Variants in FRRS1L observed in about 807,000 individuals in gnomAD.
The protein encoded by FRRS1L is ferric chelate reductase 1 like.
A neutral mutation model predicts 28.6 loss-of-function variants in FRRS1L; 22 were observed. The observed-to-expected ratio is 0.77, with a 90% CI of 0.55 to 1.10. The LOEUF (loss-of-function observed/expected upper bound fraction) is 1.10, where lower values mean the gene tolerates loss of function less well. FRRS1L is among the 50% of genes least tolerant of loss of function. The pLI is 0.00. For missense variants in FRRS1L, 380 were observed against 386.9 expected (o/e 0.98, Z 0.15); for synonymous variants, 158 against 151.4 (o/e 1.04, Z -0.32).
chr9:109,165,698 A>G (rs1368588669), intron 1 of FRRS1L, among the ~76,000 whole-genome samples: 1 of 152,172 alleles, frequency 6.6e-6, no homozygotes, highest in Non-Finnish European at 1.5e-5. Flanking sequence ...CTTTGTACCT[A>G]TGTGCAACCA....
At chr9:109,141,704 C>A (rs932170035) in intron 3 of FRRS1L, 115 bp from the exon 4 acceptor site, 12 of 1,152,188 alleles carry the variant, frequency 1.0e-5, no homozygotes, top group East Asian at 5.0e-5. Flanking sequence ...CAAAAAAATT[C>A]TTTTAAGTGC....
chr9:109,138,438 G>A (rs531119614), intron 4 of FRRS1L: 24 of 152,314 alleles, frequency 1.6e-4, no homozygotes, highest in African/African-American at 5.5e-4. Context: ...TACATTCAGT[G>A]CAAAGGTCTC....
rs181064243 is a variant in FRRS1L, at chr9:109,147,422, G to T, written c.324-233C>A. On this transcript the variant is annotated intron_variant, in intron 2 of 4. Coordinates refer to ENST00000561981, the MANE Select transcript of FRRS1L (RefSeq NM_014334.4). ...TGAGATGGGAAGGGGCTTGCCCGAG[G>T]TTGTATAGTGAAGTCAGCGGTTGCA... 107 of 458,876 alleles carry T rather than the reference G, an allele frequency of 2.3e-4. 1 individual carries two copies. The highest frequency in any genetic ancestry group is 1.4e-3 in the African/African-American group (72 of 50,728). The allele number at this position is 458,876 out of a possible 1,614,324, so 28.4% of individuals were successfully genotyped here.
rs1323370872 is a variant in FRRS1L, at chr9:109,131,911, CAT to C, written c.*5542_*5543del. On this transcript the variant is annotated 3_prime_UTR_variant, in exon 5 of 5. Transcript: ENST00000561981. Reference sequence around the variant, plus strand: ...GGTACATAAGGTAGATGCCACATCACATGTGTAAAACACTCCCATGGTGCAGC... The same window carrying C: ...GGTACATAAGGTAGATGCCACATCACGTGTAAAACACTCCCATGGTGCAGC... 1 of 151,812 alleles carries C rather than the reference CAT, an allele frequency of 6.6e-6. No individual in the cohort carries two copies. The highest frequency in any genetic ancestry group is 1.5e-5 in the Non-Finnish European group (1 of 67,834). The allele number at this position is 151,812 out of a possible 1,614,324, so 9.4% of individuals were successfully genotyped here. A position where few individuals can be genotyped will look rare whatever the true frequency, so the allele number is the denominator to read the frequency against.
At position 109,167,113 on chromosome 9, in the gene FRRS1L, G is replaced by A. The variant is rs1342340129; in HGVS notation, c.26C>T (p.Pro9Leu). ...CAGGAGCAGCGACGCCCAGACCCCC[G>A]GGTGCTGCCGGGGCGGCCGCGCCAT... MARPPRQHPGVWASLLLLL... is the reference protein window; with the variant it reads MARPPRQHLGVWASLLLLL... Residue 9 changes from proline (P) to leucine (L), a missense_variant, in exon 1 of 5, where the codon CCG (proline) becomes CTG (leucine). Coordinates refer to ENST00000561981, the MANE Select transcript of FRRS1L (RefSeq NM_014334.4). 3 of 1,169,388 alleles carry A rather than the reference G, an allele frequency of 2.6e-6. No homozygotes were observed. The highest frequency in any genetic ancestry group is 3.2e-6 in the Non-Finnish European group (3 of 949,932). 72.4% of individuals were successfully genotyped at this position (1,169,388 alleles called of 1,614,324 possible).
chr9:109,151,498 C>T (rs62575249), intron 1 of FRRS1L: 11,274 of 182,436 alleles, frequency 0.062, 474 homozygotes, highest in South Asian at 0.13. Context: ...GTAGGTTGTA[C>T]GCTCCTTATG....
chr9:109,157,863 T>C (rs1395825455), intron 1 of FRRS1L, among the ~76,000 whole-genome samples: 1 of 152,244 alleles, frequency 6.6e-6, no homozygotes, highest in Admixed American at 6.5e-5. Context: ...GATGTTACTG[T>C]CATCTTGGTT....
At chr9:109,163,973 C>G (rs1403892466) in intron 1 of FRRS1L, among the ~76,000 whole-genome samples, 1 of 152,200 alleles carries the variant, frequency 6.6e-6, no homozygotes, top group Non-Finnish European at 1.5e-5. Context: ...CAGGCCACAC[C>G]TTGGTAGGAA....
chr9:109,150,974 T>C (rs1831323670), intron 1 of FRRS1L: 2 of 152,228 alleles, frequency 1.3e-5, no homozygotes, highest in Admixed American at 6.5e-5. Context: ...TCTTGTTATT[T>C]TTAAGTTTTT....
At chr9:109,165,443 G>A (rs2176692) in intron 1 of FRRS1L, among the ~76,000 whole-genome samples, 34,976 of 152,124 alleles carry the variant, frequency 0.23, 4,105 homozygotes, top group Admixed American at 0.28. Context: ...GAAAGAACCC[G>A]GGTCCCTGAA....
rs1588100400 is a variant in FRRS1L, at chr9:109,149,938, T to C, written c.239-218A>G. ...TGCATGTGAACTGAGAGTAGGTGTG[T>C]CCTTTTCTCACTTTACAGGAGAGGA... On this transcript the variant is annotated intron_variant, in intron 1 of 4. Coordinates refer to ENST00000561981, the MANE Select transcript of FRRS1L (RefSeq NM_014334.4). 4 of 486,300 alleles carry C rather than the reference T, an allele frequency of 8.2e-6. No individual in the cohort carries two copies. In the East Asian group the frequency reaches 1.4e-4, roughly 17 times the overall value. The allele number at this position is 486,300 out of a possible 1,614,324, so 30.1% of individuals were successfully genotyped here.
intron 1 of FRRS1L, among the ~76,000 whole-genome samples, chr9:109,165,074 A>G (rs1831531465): frequency 1.3e-5 from 2 of 152,234 alleles, no homozygotes. Context: ...ACAAGTTCTC[A>G]CATACCACAT....
rs993431829 is a variant in FRRS1L at position 109,136,251 on chromosome 9, C to T, written c.*1204G>A. ...TTCATCGCAAAAAAAAAAAAAAATA[C>T]ATTTTTAATCACACTTAAGGTATGC... On this transcript the variant is annotated 3_prime_UTR_variant, in exon 5 of 5. Coordinates refer to ENST00000561981, the MANE Select transcript of FRRS1L (RefSeq NM_014334.4). 6.7e-6 allele frequency: 1 copy of T among 150,158 alleles called. No individual in the cohort carries two copies. Among genetic ancestry groups the T allele is most frequent in the African/African-American group, 2.4e-5 (1 of 40,856 alleles). 9.3% of individuals were successfully genotyped at this position (150,158 alleles called of 1,614,324 possible). A position where few individuals can be genotyped will look rare whatever the true frequency, so the allele number is the denominator to read the frequency against.
Position 109,133,674 on chromosome 9 carries a change from A to G in FRRS1L, c.*3781T>C, listed in dbSNP as rs1382941169. On this transcript the variant is annotated 3_prime_UTR_variant, in exon 5 of 5. Coordinates refer to ENST00000561981, the MANE Select transcript of FRRS1L (RefSeq NM_014334.4). ...TCTGTAAAATTGGATAAATAATAGA[A>G]TCTACTTCCTATGGTTGCGGTGAGG... 1.3e-5 allele frequency: 2 copies of G among 152,244 alleles called. No homozygotes were observed. The highest frequency in any genetic ancestry group is 2.9e-5 in the Non-Finnish European group (2 of 68,042). 9.4% of individuals were successfully genotyped at this position (152,244 alleles called of 1,614,324 possible). A position where few individuals can be genotyped will look rare whatever the true frequency, so the allele number is the denominator to read the frequency against.
chr9:109,140,875 G>A (rs1831171842), intron 4 of FRRS1L: 2 of 167,964 alleles, frequency 1.2e-5, no homozygotes, highest in Admixed American at 5.5e-5. Flanking sequence ...TAGGAGTTAA[G>A]AGTATTCATG....
chr9:109,141,534 T>C lies in FRRS1L; in HGVS notation c.518A>G (p.Gln173Arg), dbSNP rs1831185583. The C allele has an allele frequency of 6.2e-7, 1 of 1,614,128 alleles. No homozygotes were observed. The highest frequency in any genetic ancestry group is 2.2e-5 in the East Asian group (1 of 44,880). The change falls in exon 4 of 5, where the codon CAG (glutamine) becomes CGG (arginine). Residue 173 changes from glutamine (Q) to arginine (R), a missense_variant. Transcript: ENST00000561981. Reference sequence around the variant, plus strand: ...CCACTGGCCTACATTATAGAAGTGCTGTATGCGGACCCTGCCATTGTCATC... The same window carrying C: ...CCACTGGCCTACATTATAGAAGTGCCGTATGCGGACCCTGCCATTGTCATC... ...VHDDNGRVRI[Q>R]HFYNVGQWAK...
intron 3 of FRRS1L, among the ~76,000 whole-genome samples, chr9:109,143,272 G>A (rs1831211723): frequency 6.6e-6 from 1 of 151,932 alleles, no homozygotes; most frequent in African/African-American, 2.4e-5. Flanking sequence ...CCGAAATAGT[G>A]CCACTGAACT....
chr9:109,156,668 C>T (rs1831411689), intron 1 of FRRS1L, among the ~76,000 whole-genome samples: 1 of 150,692 alleles, frequency 6.6e-6, no homozygotes, highest in Non-Finnish European at 1.5e-5. Context: ...GGATTACAGG[C>T]ATGAGCCACT....
rs943686121 is a variant in FRRS1L at position 109,134,634 on chromosome 9, T to C, written c.*2821A>G. On this transcript the variant is annotated 3_prime_UTR_variant, in exon 5 of 5. Transcript: ENST00000561981. ...ATGGCACTGAGAAGTCATTGAAAGT[T>C]CTAAGCATAAATAAGCAAAATCGGT... 1 of 152,174 alleles carries C rather than the reference T, an allele frequency of 6.6e-6. No individual in the cohort carries two copies. Among genetic ancestry groups the C allele is most frequent in the African/African-American group, 2.4e-5 (1 of 41,438 alleles). 9.4% of individuals were successfully genotyped at this position (152,174 alleles called of 1,614,324 possible). A position where few individuals can be genotyped will look rare whatever the true frequency, so the allele number is the denominator to read the frequency against.
Sources: allele counts gnomAD v4.1 joint callset (sites outside exome capture counted in the v4.1 genomes callset), GRCh38; gene constraint gnomAD v4.1.1; transcripts MANE v1.5; gene names NCBI Gene and HGNC (gene_info 2026-07-23, HGNC 2026-07-21).